AP1M1: variants seen among roughly 807,000 people sequenced by gnomAD.
AP1M1 encodes the protein adaptor related protein complex 1 subunit mu 1.
A neutral mutation model predicts 57.1 loss-of-function variants in AP1M1; 18 were observed. That is an observed-to-expected ratio of 0.32 (90% CI 0.22 to 0.47). The LOEUF is 0.47. AP1M1 is among the 20% of genes least tolerant of loss of function. The pLI is 1.00. For synonymous variants in AP1M1, 241 were observed against 237.9 expected, an observed-to-expected ratio of 1.01 and a Z score of -0.12; for missense variants, 362 against 593.5, an observed-to-expected ratio of 0.61 and a Z score of 4.05.
chr19:16,232,362 C>T (rs928294166), intron 9 of AP1M1, among the ~76,000 whole-genome samples: 5 of 152,230 alleles, frequency 3.3e-5, no homozygotes, highest in African/African-American at 4.8e-5. Flanking sequence ...CTCAACGTGA[C>T]GACACAGGCT....
In AP1M1 at chr19:16,206,421, C is replaced by A; in HGVS notation, c.267+13C>A. 1.9e-6 allele frequency: 3 copies of A among 1,613,686 alleles called. No individual in the cohort carries two copies. The highest frequency in any genetic ancestry group is 2.2e-5 in the South Asian group (2 of 91,034). On this transcript the variant is annotated intron_variant, in intron 3 of 11. Coordinates refer to ENST00000291439, the MANE Select transcript of AP1M1 (RefSeq NM_032493.4). This position sits in a 1 kb window ranked among gnomAD's most constrained non-coding sequence, Gnocchi z 4.3. ...TAAGGTGGTGCAGGTGAGTCTCGCT[C>A]GGAGGGGCCGTGGGCTTGGGTGGAG...
Position 16,227,647 on chromosome 19 carries a change from C to T in AP1M1, c.773C>T (p.Pro258Leu). 1 of 1,614,054 alleles carries T rather than the reference C, an allele frequency of 6.2e-7. No homozygotes were observed. Among genetic ancestry groups the T allele is most frequent in the Non-Finnish European group, 8.5e-7 (1 of 1,179,954 alleles). ...ENDRTISFIP[P>L]DGEFELMSYR... ...GACCGCACCATCTCCTTCATCCCAC[C>T]CGACGGCGAGTTCGAGCTCATGTCC... Residue 258 changes from proline (P) to leucine (L), a missense_variant, in exon 7 of 12, where the codon CCC (proline) becomes CTC (leucine). Pro to Leu is a moderately conservative substitution (Grantham distance 98, BLOSUM62 -3). Transcript: ENST00000291439. The surrounding 1 kb of genome is among the most constrained non-coding windows in gnomAD (Gnocchi z 6.2).
In AP1M1 at chr19:16,237,562, A is replaced by T. The variant is rs1568357988; in HGVS notation, c.*3127A>T. On this transcript the variant is annotated 3_prime_UTR_variant, in exon 12 of 12. Coordinates refer to ENST00000291439, the MANE Select transcript of AP1M1 (RefSeq NM_032493.4). ...AACCTGGCCAACATGGCGAGACCCCATCTCTACTAAAAATACCAAAATTAG... is the reference window on the plus strand; with the variant it reads ...AACCTGGCCAACATGGCGAGACCCCTTCTCTACTAAAAATACCAAAATTAG... The T allele has an allele frequency of 1.3e-5, 2 of 151,870 alleles. No homozygotes were observed. The highest frequency in any genetic ancestry group is 2.4e-5 in the African/African-American group (1 of 41,334). The allele number at this position is 151,870 out of a possible 1,614,324, so 9.4% of individuals were successfully genotyped here.
At chr19:16,221,113 G>T (rs777731516) in intron 5 of AP1M1, among the ~76,000 whole-genome samples, 12 of 152,090 alleles carry the variant, frequency 7.9e-5, no homozygotes, top group African/African-American at 2.9e-4. Flanking sequence ...CTAAAATATG[G>T]TTTTTTGTTT....
intron 5 of AP1M1, among the ~76,000 whole-genome samples, chr19:16,220,005 GT>G (rs2091536611): frequency 6.6e-6 from 1 of 152,096 alleles, no homozygotes; most frequent in Admixed American, 6.6e-5. Flanking sequence ...AGAGATACTG[GT>G]TTGTAATTTT....
At chr19:16,229,661 A>G (rs2091587673) in intron 9 of AP1M1, among the ~76,000 whole-genome samples, 1 of 152,210 alleles carries the variant, frequency 6.6e-6, no homozygotes, top group South Asian at 2.1e-4. Context: ...AAGTGCCTTG[A>G]ATTTCATGAT....
chr19:16,226,548 G>A lies in AP1M1; in HGVS notation c.673+1G>A. On this transcript the variant is annotated splice_donor_variant, in intron 6 of 11. Transcript: ENST00000291439. LOFTEE classifies it high-confidence loss of function. ...AAGGTCCTCTTTGACAACACGGGCC[G>A]TGAGTACCCTTGCCAAGGGCCCTGC... The A allele has an allele frequency of 6.3e-7, 1 of 1,578,416 alleles. No homozygotes were observed. Among genetic ancestry groups the A allele is most frequent in the Non-Finnish European group, 8.6e-7 (1 of 1,157,500 alleles).
intron 11 of AP1M1, 36 bp from the exon 12 acceptor site, chr19:16,234,377 C>A: frequency 1.2e-6 from 2 of 1,613,928 alleles, no homozygotes; most frequent in Non-Finnish European, 1.7e-6. Flanking sequence ...AGGGAGGGTG[C>A]AGAGCCCAGC....
intron 9 of AP1M1, among the ~76,000 whole-genome samples, chr19:16,231,094 C>G (rs980588131): frequency 1.3e-5 from 2 of 151,908 alleles, no homozygotes; most frequent in Non-Finnish European, 1.5e-5. Flanking sequence ...CAAGACCATC[C>G]TGGCTAACAT....
At chr19:16,204,954 C>CGG (rs1261173586) in intron 2 of AP1M1, among the ~76,000 whole-genome samples, 1 of 95,592 alleles carries the variant, frequency 1.0e-5, no homozygotes, top group Non-Finnish European at 3.1e-5. Flanking sequence ...CCTCAGCCTC[C>CGG]CGAGTAGCTG....
At chr19:16,211,243 G>A (rs887950590) in intron 5 of AP1M1, among the ~76,000 whole-genome samples, 1 of 151,942 alleles carries the variant, frequency 6.6e-6, no homozygotes. Flanking sequence ...ACAGACGCAT[G>A]CCACCATGCC....
At chr19:16,234,374 G>T in intron 11 of AP1M1, 39 bp from the exon 12 acceptor site, 3 of 1,613,944 alleles carry the variant, frequency 1.9e-6, no homozygotes, top group Non-Finnish European at 2.5e-6. Context: ...AGCAGGGAGG[G>T]TGCAGAGCCC....
Position 16,197,975 on chromosome 19 carries a change from T to TCGCTGCCGCCGGCACCGCCCTCGGC in AP1M1, c.-41_-40insGCACCGCCCTCGGCCGCTGCCGCCG. 2 of 1,451,820 alleles carry TCGCTGCCGCCGGCACCGCCCTCGGC rather than the reference T, an allele frequency of 1.4e-6. No homozygotes were observed. The highest frequency in any genetic ancestry group is 1.8e-6 in the Non-Finnish European group (2 of 1,087,934). The allele number at this position is 1,451,820 out of a possible 1,614,324, so 89.9% of individuals were successfully genotyped here. ...GCTCAACGCCCAGCAGTCCCCACCG[T>TCGCTGCCGCCGGCACCGCCCTCGGC]CGCTGCCGCCGCCACCGCCCTCGGC... On this transcript the variant is annotated 5_prime_UTR_variant, in exon 1 of 12. Coordinates refer to ENST00000291439, the MANE Select transcript of AP1M1 (RefSeq NM_032493.4).
chr19:16,201,046 C>A (rs2091444755), intron 1 of AP1M1, among the ~76,000 whole-genome samples: 1 of 152,208 alleles, frequency 6.6e-6, no homozygotes, highest in African/African-American at 2.4e-5. Context: ...CAGCATTCTT[C>A]TAAATGCACT....
rs943283713 is a variant in AP1M1, at chr19:16,207,776, G to A, written c.268-243G>A. The stretch of plus-strand genomic sequence containing the variant: ...TCTGGGCAGGGAAGAGAATGGGAAC[G>A]CAGAGCTTCTGAAGGCCTCGGGACA... On this transcript the variant is annotated intron_variant, in intron 3 of 11. Coordinates refer to ENST00000291439, the MANE Select transcript of AP1M1 (RefSeq NM_032493.4). The surrounding 1 kb of genome is among the most constrained non-coding windows in gnomAD (Gnocchi z 4.2). Among the ~76,000 whole-genome samples the A allele has an allele frequency of 5.9e-5, 9 of 152,098 alleles. No individual in the cohort carries two copies. Among genetic ancestry groups the A allele is most frequent in the Non-Finnish European group, 8.8e-5 (6 of 68,014 alleles).
At chr19:16,210,305 C>T (rs980810882) in intron 5 of AP1M1, 4 of 696,134 alleles carry the variant, frequency 5.7e-6, no homozygotes, top group Admixed American at 2.0e-5. Context: ...AATAGAGTTG[C>T]TAGAAACATG....
chr19:16,202,303 A>C (rs1016062556), intron 1 of AP1M1, among the ~76,000 whole-genome samples: 3 of 152,214 alleles, frequency 2.0e-5, no homozygotes, highest in Non-Finnish European at 1.5e-5. Flanking sequence ...TGCAGGCCCC[A>C]AGAGCTGCAG....
At position 16,243,184 on chromosome 19, in the gene AP1M1, GAAATT is replaced by G. The variant is rs1468634472; in HGVS notation, c.*8751_*8755del. 1 of 152,080 alleles carries G rather than the reference GAAATT, an allele frequency of 6.6e-6. No homozygotes were observed. Among genetic ancestry groups the G allele is most frequent in the Non-Finnish European group, 1.5e-5 (1 of 68,024 alleles). The allele number at this position is 152,080 out of a possible 1,614,324, so 9.4% of individuals were successfully genotyped here. Reference sequence around the variant, plus strand: ...CCCACTCTCTGAGGAATTTTCAAGAGAAATTAGTTAGAATTCAACAAGAAATAAAT... The same window carrying G: ...CCCACTCTCTGAGGAATTTTCAAGAGAGTTAGAATTCAACAAGAAATAAAT... On this transcript the variant is annotated 3_prime_UTR_variant, in exon 12 of 12. Coordinates refer to ENST00000291439, the MANE Select transcript of AP1M1 (RefSeq NM_032493.4).
At chr19:16,224,778 A>G (rs2091563694) in intron 5 of AP1M1, among the ~76,000 whole-genome samples, 1 of 152,142 alleles carries the variant, frequency 6.6e-6, no homozygotes, top group South Asian at 2.1e-4. Context: ...AGGGGCCGTC[A>G]CAGTGGAGTG....
Sources: gnomAD v4.1 joint callset for allele counts (sites outside exome capture counted in the v4.1 genomes callset) on GRCh38, gnomAD v4.1.1 for gene constraint, Gnocchi (gnomAD v3.1) non-coding constraint, MANE v1.5 for transcripts, NCBI Gene and HGNC (gene_info 2026-07-23, HGNC 2026-07-21) for gene names.